RBFOX1: variants seen among roughly 807,000 people sequenced by gnomAD.
RBFOX1 encodes RNA binding protein fox-1 homolog 1.
Under a neutral mutation model 57.7 loss-of-function variants are expected in RBFOX1, and 8 were observed. That is an observed-to-expected ratio of 0.14 (90% CI 0.08 to 0.25). RBFOX1 has a LOEUF of 0.25. RBFOX1 is among the 10% of genes least tolerant of loss of function. The probability of loss-of-function intolerance (pLI) is 1.00; values close to 1 mark genes in which losing one functional copy is unlikely to be tolerated. For missense variants in RBFOX1, 611 were observed against 548.5 expected (o/e 1.11, Z -1.14); for synonymous variants, 326 against 222.4 (o/e 1.47, Z -4.15).
intron 4 of RBFOX1, among the ~76,000 whole-genome samples, chr16:7,287,818 T>A (rs1449909415): frequency 6.6e-6 from 1 of 152,210 alleles, no homozygotes; most frequent in Admixed American, 6.5e-5. Context: ...ATATATGGGG[T>A]ATTACCCAAT....
chr16:6,334,694 A>C (rs1181427884), intron 2 of RBFOX1, among the ~76,000 whole-genome samples: 1 of 152,186 alleles, frequency 6.6e-6, no homozygotes, highest in Non-Finnish European at 1.5e-5. Context: ...CTTGCTTGCC[A>C]GTTCTCATTC....
In RBFOX1 at chr16:6,843,426, C is replaced by T. The variant is rs117425345; in HGVS notation, c.-16+188776C>T. Among the ~76,000 whole-genome samples the T allele has an allele frequency of 5.0e-3, 739 of 148,260 alleles. 8 individuals are homozygous for T. Among genetic ancestry groups the T allele is most frequent in the African/African-American group, 0.017 (690 of 41,246 alleles). ...AGCTTTGGCCAGACATGGTGGCTTA[C>T]ACCTGTAATCCCAGTACTTTGGGAG... On this transcript the variant is annotated intron_variant, in intron 3 of 15. Transcript: ENST00000550418.
intron 1 of RBFOX1, among the ~76,000 whole-genome samples, chr16:5,375,970 C>A (rs370346697): frequency 1.3e-3 from 202 of 152,104 alleles, no homozygotes; most frequent in African/African-American, 4.7e-3. Flanking sequence ...AGTCTGAGAC[C>A]AGCCTGGCCA....
chr16:6,239,696 A>C (rs1436679540), intron 1 of RBFOX1, among the ~76,000 whole-genome samples: 6 of 151,708 alleles, frequency 4.0e-5, no homozygotes, highest in Non-Finnish European at 7.4e-5. Context: ...CGGGGGTTTC[A>C]CCATGTTGAC....
intron 4 of RBFOX1, among the ~76,000 whole-genome samples, chr16:7,275,812 G>A (rs1342582355): frequency 6.6e-6 from 1 of 152,178 alleles, no homozygotes; most frequent in Non-Finnish European, 1.5e-5. Context: ...TTTACATGTT[G>A]CCTAGTTTAG....
intron 3 of RBFOX1, among the ~76,000 whole-genome samples, chr16:6,769,315 C>T (rs746560194): frequency 1.3e-5 from 2 of 152,186 alleles, no homozygotes; most frequent in African/African-American, 2.4e-5. Context: ...CCTCCATAGC[C>T]ATGTGGAACT....
At chr16:5,480,121 A>T (rs926113889) in intron 2 of RBFOX1, among the ~76,000 whole-genome samples, 1 of 152,198 alleles carries the variant, frequency 6.6e-6, no homozygotes, top group Non-Finnish European at 1.5e-5. Context: ...CTCCGCAGAG[A>T]GGGAAGCTAT....
chr16:5,386,132 T>C (rs902812178), intron 1 of RBFOX1, among the ~76,000 whole-genome samples: 1 of 151,538 alleles, frequency 6.6e-6, no homozygotes, highest in African/African-American at 2.4e-5. Context: ...AGGGGGAGTT[T>C]ATTTAGGTTT....
At chr16:7,632,802 C>T (rs145151280) in intron 11 of RBFOX1, among the ~76,000 whole-genome samples, 9 of 152,092 alleles carry the variant, frequency 5.9e-5, no homozygotes, top group Non-Finnish European at 1.0e-4. Flanking sequence ...ATTAATTAGC[C>T]ATATAGGGGC....
chr16:7,201,563 A>G (rs953292396), intron 4 of RBFOX1, among the ~76,000 whole-genome samples: 2 of 151,954 alleles, frequency 1.3e-5, no homozygotes, highest in African/African-American at 4.8e-5. Context: ...ACTGGGTTCA[A>G]ACGATTTTCC....
chr16:6,152,853 C>T (rs897554973), intron 1 of RBFOX1, among the ~76,000 whole-genome samples: 2 of 152,030 alleles, frequency 1.3e-5, no homozygotes, highest in Non-Finnish European at 2.9e-5. Flanking sequence ...CTTACTTGAA[C>T]AAAGAGAGAG....
chr16:6,847,287 CTG>C (rs1332899346), intron 3 of RBFOX1, among the ~76,000 whole-genome samples: 20 of 152,176 alleles, frequency 1.3e-4, no homozygotes, highest in African/African-American at 4.8e-4. Flanking sequence ...CTGGCCCAGA[CTG>C]TGCTCATTTG....
intron 4 of RBFOX1, among the ~76,000 whole-genome samples, chr16:7,181,265 AG>A (rs1204781591): frequency 3.9e-5 from 6 of 152,280 alleles, no homozygotes; most frequent in African/African-American, 1.2e-4. Flanking sequence ...TGAGAACTGA[AG>A]GAGTACCAGA....
At chr16:5,313,660 G>C (rs2064152262) in intron 1 of RBFOX1, among the ~76,000 whole-genome samples, 1 of 152,204 alleles carries the variant, frequency 6.6e-6, no homozygotes, top group Non-Finnish European at 1.5e-5. Context: ...GATGGCGGCA[G>C]ACAAAGAGAG....
At chr16:7,344,912 G>A (rs529061031) in intron 4 of RBFOX1, among the ~76,000 whole-genome samples, 4 of 152,152 alleles carry the variant, frequency 2.6e-5, no homozygotes, top group Non-Finnish European at 5.9e-5. Flanking sequence ...ATGCGATATT[G>A]TGCCGCTGTC....
intron 4 of RBFOX1, among the ~76,000 whole-genome samples, chr16:7,423,503 G>T (rs1598093183): frequency 6.6e-6 from 1 of 152,216 alleles, no homozygotes; most frequent in African/African-American, 2.4e-5. Flanking sequence ...GGGGTAGCTT[G>T]TGAGGGGAGG....
At chr16:6,716,001 A>G (rs952306718) in intron 3 of RBFOX1, among the ~76,000 whole-genome samples, 4 of 126,788 alleles carry the variant, frequency 3.2e-5, no homozygotes, top group Non-Finnish European at 6.7e-5. Flanking sequence ...CTGTGGGGCC[A>G]TTAACTTCAC....
intron 2 of RBFOX1, among the ~76,000 whole-genome samples, chr16:6,321,461 C>A (rs1226184064): frequency 6.6e-6 from 1 of 152,196 alleles, no homozygotes; most frequent in Non-Finnish European, 1.5e-5. Context: ...CCTGCTGTTC[C>A]ATATGTTCTG....
chr16:5,508,074 C>T (rs1356829693), intron 2 of RBFOX1, among the ~76,000 whole-genome samples: 2 of 152,232 alleles, frequency 1.3e-5, no homozygotes, highest in East Asian at 1.9e-4. Flanking sequence ...TCCCCGGCCC[C>T]TCTGACATGC....
Sources: allele counts gnomAD v4.1 joint callset (sites outside exome capture counted in the v4.1 genomes callset), GRCh38; gene constraint gnomAD v4.1.1; transcripts MANE v1.5; gene names NCBI Gene and HGNC (gene_info 2026-07-23, HGNC 2026-07-21).